VGLL2: variants seen among roughly 807,000 people sequenced by gnomAD.
VGLL2 encodes the protein vestigial like family member 2.
A neutral mutation model predicts 27.0 loss-of-function variants in VGLL2; 18 were observed. The ratio of observed to expected loss-of-function variants is 0.67; its 90% CI spans 0.46 to 0.99. The LOEUF (loss-of-function observed/expected upper bound fraction) is 0.99, where lower values mean the gene tolerates loss of function less well. Among genes scored for constraint, VGLL2 ranks in the 50% least tolerant of loss-of-function variants. The probability of loss-of-function intolerance (pLI) is 0.00; values close to 1 mark genes in which losing one functional copy is unlikely to be tolerated. For missense variants in VGLL2, 491 were observed against 452.3 expected, an observed-to-expected ratio of 1.09 and a Z score of -0.78; for synonymous variants, 220 against 201.1, an observed-to-expected ratio of 1.09 and a Z score of -0.80.
chr6:117,268,912 A>T (rs1308071591), intron 2 of VGLL2, among the ~76,000 whole-genome samples: 1 of 152,220 alleles, frequency 6.6e-6, no homozygotes, highest in Non-Finnish European at 1.5e-5. Flanking sequence ...CTCCCAAACC[A>T]GTGAGTGAAG....
In VGLL2 at chr6:117,270,636, T is replaced by C. The variant is rs767569557; in HGVS notation, c.485T>C (p.Leu162Pro). 6 of 1,585,502 alleles carry C rather than the reference T, an allele frequency of 3.8e-6. No individual in the cohort carries two copies. In the African/African-American group the frequency reaches 6.8e-5, roughly 18 times the overall value. Residue 162 changes from leucine to proline, a missense_variant, in exon 3 of 4, where the codon CTG becomes CCG. Coordinates refer to ENST00000326274, the MANE Select transcript of VGLL2 (RefSeq NM_182645.3). ...GTGCCCCCGCCGCTGGGCAGCCCTC[T>C]GGCCACCGCGCACTCGGAGCTGCCC... is the stretch of plus-strand genomic sequence containing the variant. ...APVPPPLGSP[L>P]ATAHSELPFA... is the part of the protein sequence containing the mutation.
Position 117,270,858 on chromosome 6 carries a change from A to C in VGLL2, c.707A>C (p.Asp236Ala). 1.4e-6 allele frequency: 2 copies of C among 1,408,304 alleles called. No homozygotes were observed. Among genetic ancestry groups the C allele is most frequent in the Non-Finnish European group, 1.9e-6 (2 of 1,080,534 alleles). 87.2% of individuals were successfully genotyped at this position (1,408,304 alleles called of 1,614,324 possible). Residue 236 changes from aspartate (D) to alanine (A), a missense_variant, in exon 3 of 4, where the codon GAC becomes GCC. Physicochemically the swap from Asp to Ala is moderately radical, Grantham distance 126. Coordinates refer to ENST00000326274, the MANE Select transcript of VGLL2 (RefSeq NM_182645.3). The stretch of plus-strand genomic sequence containing the variant: ...CACGAAGTCTACGCGCCGCACTTCG[A>C]CCCGCGCTATGGGCCGCTGCTGATG... ...AVHEVYAPHFDPRYGPLLMPA... is the reference protein window; with the variant it reads ...AVHEVYAPHFAPRYGPLLMPA...
intron 1 of VGLL2, 24 bp downstream of exon 1, chr6:117,265,868 T>C: frequency 1.2e-6 from 2 of 1,600,212 alleles, no homozygotes; most frequent in Non-Finnish European, 1.7e-6. Flanking sequence ...CTGGGGACTT[T>C]GGGAAGGAGT....
rs1156302058 is a variant in VGLL2 at position 117,270,756 on chromosome 6, C to A, written c.605C>A (p.Ala202Glu). Reference sequence around the variant, plus strand: ...TGGCACCACGCGCACCCGCACCACGCGCACCCGCATCACCCCTACGCCCTG... The same window carrying A: ...TGGCACCACGCGCACCCGCACCACGAGCACCCGCATCACCCCTACGCCCTG... ...EPWHHAHPHH[A>E]HPHHPYALGG... Residue 202 changes from alanine (A) to glutamate (E), a missense_variant, in exon 3 of 4, where the codon GCG (alanine) becomes GAG (glutamate). Ala to Glu is a moderately radical substitution (Grantham distance 107). Coordinates refer to ENST00000326274, the MANE Select transcript of VGLL2 (RefSeq NM_182645.3). 5.3e-6 allele frequency: 8 copies of A among 1,506,406 alleles called. No homozygotes were observed. The highest frequency in any genetic ancestry group is 7.0e-6 in the Non-Finnish European group (8 of 1,137,176). 93.3% of individuals were successfully genotyped at this position (1,506,406 alleles called of 1,614,324 possible).
chr6:117,271,917 TTTC>T (rs1404951111), intron 3 of VGLL2, among the ~76,000 whole-genome samples: 3 of 152,216 alleles, frequency 2.0e-5, no homozygotes, highest in African/African-American at 7.2e-5. Context: ...TTTGCCTTCT[TTTC>T]TTATTTTTAG....
At chr6:117,268,061 C>T (rs1773104452) in intron 1 of VGLL2, 121 bp from the exon 2 acceptor site, 2 of 1,068,128 alleles carry the variant, frequency 1.9e-6, no homozygotes, top group Admixed American at 4.3e-5. Context: ...CAGCACAAGG[C>T]TTAAGCCCAT....
chr6:117,267,794 A>G (rs1237719647), intron 1 of VGLL2, among the ~76,000 whole-genome samples: 1 of 152,162 alleles, frequency 6.6e-6, no homozygotes, highest in African/African-American at 2.4e-5. Context: ...CTCTATCTGG[A>G]CTTGGGTGCC....
intron 1 of VGLL2, among the ~76,000 whole-genome samples, chr6:117,267,503 T>TA (rs61680852): frequency 0.17 from 25,949 of 150,658 alleles, 2,365 homozygotes; most frequent in Admixed American, 0.21. Context: ...ATAGGGATAA[T>TA]AAAAAAAAAA....
rs1169423403 is a variant in VGLL2, at chr6:117,265,831, C to A, written c.68C>A (p.Thr23Asn). ...CAGCCCTACTTCGCAGCCGCCTACACCCCCTACCACCAGGTACGTGTCTCC... is the reference window on the plus strand; with the variant it reads ...CAGCCCTACTTCGCAGCCGCCTACAACCCCTACCACCAGGTACGTGTCTCC... ...PPQPYFAAAYTPYHQKLAYYS... is the reference protein window; with the variant it reads ...PPQPYFAAAYNPYHQKLAYYS... The change falls in exon 1 of 4, where the codon ACC becomes AAC. Residue 23 changes from threonine to asparagine, a missense_variant. Transcript: ENST00000326274. The A allele has an allele frequency of 1.9e-6, 3 of 1,613,918 alleles. No homozygotes were observed. Among genetic ancestry groups the A allele is most frequent in the Admixed American group, 1.7e-5 (1 of 60,016 alleles).
At chr6:117,268,689 A>G (rs961306499) in intron 2 of VGLL2, among the ~76,000 whole-genome samples, 198 bp downstream of exon 2, 2 of 152,150 alleles carry the variant, frequency 1.3e-5, no homozygotes, top group Admixed American at 1.3e-4. Context: ...AAAAAACACT[A>G]TCCTTGGAAT....
In VGLL2 at chr6:117,272,455, T is replaced by C. The variant is rs1364710708; in HGVS notation, c.915T>C (p.Ala305=). 10 of 1,614,074 alleles carry C rather than the reference T, an allele frequency of 6.2e-6. No individual in the cohort carries two copies. The highest frequency in any genetic ancestry group is 2.2e-5 in the East Asian group (1 of 44,888). The change falls in exon 4 of 4, where the codon GCT becomes GCC. Residue 305 remains alanine, a splice_region_variant and synonymous_variant. Transcript: ENST00000326274. Reference sequence around the variant, plus strand: ...ACAGCTTCTGATCTTGGTTTGCAGCTCGTCGTTATTCCCTCTGTGGTGCAT... The same window carrying C: ...ACAGCTTCTGATCTTGGTTTGCAGCCCGTCGTTATTCCCTCTGTGGTGCAT... ...AQGLGLSVDS[A]RRYSLCGASL...
chr6:117,272,290 A>G (rs551191607), intron 3 of VGLL2, 164 bp from the exon 4 acceptor site: 3 of 976,150 alleles, frequency 3.1e-6, no homozygotes, highest in East Asian at 1.2e-4. Flanking sequence ...TCTCTCTTTT[A>G]TCTTCTCTCT....
At chr6:117,271,344 T>C (rs1773197924) in intron 3 of VGLL2, among the ~76,000 whole-genome samples, 2 of 148,760 alleles carry the variant, frequency 1.3e-5, no homozygotes, top group East Asian at 3.9e-4. Flanking sequence ...ATAATAATAA[T>C]AATAAAATTT....
intron 2 of VGLL2, 113 bp from the exon 3 acceptor site, chr6:117,270,430 C>G: frequency 7.4e-7 from 1 of 1,357,026 alleles, no homozygotes; most frequent in South Asian, 1.5e-5. Flanking sequence ...AGCCCTGTGC[C>G]CGCCCGGCGC....
chr6:117,271,095 G>A, intron 3 of VGLL2, 31 bp downstream of exon 3: 1 of 1,209,802 alleles, frequency 8.3e-7, no homozygotes, highest in African/African-American at 1.6e-5. Flanking sequence ...GGTCTCCGCG[G>A]AGCCGCTCGG....
Position 117,272,488 on chromosome 6 carries a change from G to C in VGLL2, c.948G>C (p.Leu316=). 1 of 1,614,136 alleles carries C rather than the reference G, an allele frequency of 6.2e-7. No homozygotes were observed. The highest frequency in any genetic ancestry group is 8.5e-7 in the Non-Finnish European group (1 of 1,180,026). ...RRYSLCGASL[L]S ...ATTCCCTCTGTGGTGCATCCCTCCT[G>C]AGCTGATCTGCTGACCCAGGGTTTC... Residue 316 remains leucine, a synonymous_variant, in exon 4 of 4, where the codon CTG becomes CTC. Transcript: ENST00000326274.
At chr6:117,271,324 G>GATA (rs3080434) in intron 3 of VGLL2, among the ~76,000 whole-genome samples, 21,667 of 138,768 alleles carry the variant, frequency 0.16, 1,718 homozygotes, top group Middle Eastern at 0.2. Flanking sequence ...TAATAATAAT[G>GATA]ATAATAATAA....
Position 117,272,445 on chromosome 6 carries a change from G to C in VGLL2, c.914-9G>C, listed in dbSNP as rs1773222100. Reference sequence around the variant, plus strand: ...TGGGTTTGTAACAGCTTCTGATCTTGGTTTGCAGCTCGTCGTTATTCCCTC... The same window carrying C: ...TGGGTTTGTAACAGCTTCTGATCTTCGTTTGCAGCTCGTCGTTATTCCCTC... On this transcript the variant is annotated splice_polypyrimidine_tract_variant and intron_variant, in intron 3 of 3. Coordinates refer to ENST00000326274, the MANE Select transcript of VGLL2 (RefSeq NM_182645.3). 1 of 1,614,142 alleles carries C rather than the reference G, an allele frequency of 6.2e-7. No homozygotes were observed. The highest frequency in any genetic ancestry group is 1.3e-5 in the African/African-American group (1 of 75,026).
chr6:117,267,331 A>G (rs538596382), intron 1 of VGLL2, among the ~76,000 whole-genome samples: 4 of 152,100 alleles, frequency 2.6e-5, no homozygotes, highest in Non-Finnish European at 5.9e-5. Flanking sequence ...TAAAATCACT[A>G]TGAGACATGC....
Sources: gnomAD v4.1 joint callset for allele counts (sites outside exome capture counted in the v4.1 genomes callset) on GRCh38, gnomAD v4.1.1 for gene constraint, MANE v1.5 for transcripts, NCBI Gene and HGNC (gene_info 2026-07-23, HGNC 2026-07-21) for gene names.